The following DSC2 variants were observed in gnomAD, a reference collection of about 807,000 sequenced individuals.
The protein encoded by DSC2 is desmocollin-2.
In DSC2, 51 loss-of-function variants were observed where a neutral mutation model predicts 87.6. The ratio of observed to expected loss-of-function variants is 0.58; its 90% CI spans 0.46 to 0.74. DSC2 has a LOEUF of 0.74. Among genes scored for constraint, DSC2 ranks in the 30% least tolerant of loss-of-function variants. The pLI is 0.00. For missense variants in DSC2, 1,066 were observed against 1,089.5 expected, an observed-to-expected ratio of 0.98 and a Z score of 0.30; for synonymous variants, 383 against 393.2, an observed-to-expected ratio of 0.97 and a Z score of 0.31.
chr18:31,082,041 T>TA (rs573964762), intron 9 of DSC2, among the ~76,000 whole-genome samples, 197 bp downstream of exon 9: 46 of 147,944 alleles, frequency 3.1e-4, no homozygotes, highest in East Asian at 9.8e-4. Context: ...ATGGACTTTT[T>TA]AAAAAAAAAA....
In DSC2 at chr18:31,082,088, C is replaced by A. The variant is rs1463956274; in HGVS notation, c.1263+150G>T. The A allele has an allele frequency of 1.0e-5, 7 of 701,876 alleles. No individual in the cohort carries two copies. The East Asian group carries it at 2.0e-4, about 20-fold the overall frequency. The allele number at this position is 701,876 out of a possible 1,614,324, so 43.5% of individuals were successfully genotyped here. A position where few individuals can be genotyped will look rare whatever the true frequency, so the allele number is the denominator to read the frequency against. Reference sequence around the variant, plus strand: ...AAAGATTATCAAAAACTAATATATTCTTTCCATTGTATATGAAGAACAGAG... The same window carrying A: ...AAAGATTATCAAAAACTAATATATTATTTCCATTGTATATGAAGAACAGAG... On this transcript the variant is annotated intron_variant, in intron 9 of 15. Transcript: ENST00000280904.
rs1011544608 is a variant in DSC2 at position 31,067,019 on chromosome 18, T to C, written c.*996A>G. On this transcript the variant is annotated 3_prime_UTR_variant, in exon 16 of 16. Coordinates refer to ENST00000280904, the MANE Select transcript of DSC2 (RefSeq NM_024422.6). ...CAGAGCACTGCTTCTAATAAAAGCA[T>C]GGCATAGTTCTACAGTTTCAATGGC... 3 of 152,124 alleles carry C rather than the reference T, an allele frequency of 2.0e-5. No individual in the cohort carries two copies. Among genetic ancestry groups the C allele is most frequent in the Non-Finnish European group, 1.5e-5 (1 of 67,988 alleles). 9.4% of individuals were successfully genotyped at this position (152,124 alleles called of 1,614,324 possible).
At chr18:31,101,152 T>A (rs1987932858) in intron 1 of DSC2, 3 of 981,760 alleles carry the variant, frequency 3.1e-6, no homozygotes, top group Non-Finnish European at 3.6e-6. Context: ...AGACCCTTCC[T>A]TCCTCCGAAG....
At chr18:31,098,906 G>T (rs73952598) in intron 1 of DSC2, among the ~76,000 whole-genome samples, 1,690 of 152,280 alleles carry the variant, frequency 0.011, 25 homozygotes, top group African/African-American at 0.039. Context: ...AGACCCCTGA[G>T]CTGTCTTTGA....
At chr18:31,098,462 C>A (rs918577428) in intron 1 of DSC2, among the ~76,000 whole-genome samples, 1 of 149,406 alleles carries the variant, frequency 6.7e-6, no homozygotes, top group Non-Finnish European at 1.5e-5. Context: ...AAATTAGACA[C>A]TTTTTTTTTT....
rs745503649 is a variant in DSC2, at chr18:31,074,764, T to C, written c.1807A>G (p.Ile603Val). ...EIVAVDPDEP[I>V]HGPPFDFSLE... ...CTAAAGTCAAAGGGTGGGCCATGGA[T>C]AGGCTCATCAGGATCAACCGCAACA... Residue 603 changes from isoleucine (I) to valine (V), a missense_variant, in exon 12 of 16, where the codon ATC becomes GTC. Transcript: ENST00000280904. 1.2e-6 allele frequency: 2 copies of C among 1,614,046 alleles called. No individual in the cohort carries two copies. The highest frequency in any genetic ancestry group is 1.7e-6 in the Non-Finnish European group (2 of 1,179,992).
Position 31,063,118 on chromosome 18 carries a change from G to A in DSC2, c.*4897C>T, listed in dbSNP as rs1986533033. On this transcript the variant is annotated 3_prime_UTR_variant, in exon 16 of 16. Transcript: ENST00000280904. ...GCCAAGTGCTGACAGATCACTTGAGGTCAGGAGTTCAAGACCAGCCTGGCC... is the reference window on the plus strand; with the variant it reads ...GCCAAGTGCTGACAGATCACTTGAGATCAGGAGTTCAAGACCAGCCTGGCC... 6.6e-6 allele frequency: 1 copy of A among 152,048 alleles called. No homozygotes were observed. The highest frequency in any genetic ancestry group is 2.1e-4 in the South Asian group (1 of 4,830). The allele number at this position is 152,048 out of a possible 1,614,324, so 9.4% of individuals were successfully genotyped here.
chr18:31,084,586 T>G (rs964110079), intron 7 of DSC2, among the ~76,000 whole-genome samples: 9 of 151,776 alleles, frequency 5.9e-5, no homozygotes, highest in Non-Finnish European at 4.4e-5. Flanking sequence ...TTCAACTGAT[T>G]ATTTCAGAAG....
Position 31,082,307 on chromosome 18 carries a change from G to A in DSC2, c.1194C>T (p.Gly398=). 6.2e-7 allele frequency: 1 copy of A among 1,613,678 alleles called. No individual in the cohort carries two copies. The highest frequency in any genetic ancestry group is 2.2e-5 in the East Asian group (1 of 44,832). ...NWRANYTILK[G]NENGNFKIVT... ...CAATTTTAAAATTGCCATTTTCATT[G>A]CCCTTTAAAATGGTATAATTAGCTC... is the stretch of plus-strand genomic sequence containing the variant. The change falls in exon 9 of 16, where the codon GGC becomes GGT. Residue 398 remains glycine (G), a synonymous_variant. Transcript: ENST00000280904.
intron 5 of DSC2, among the ~76,000 whole-genome samples, chr18:31,088,973 G>A (rs1043130491): frequency 2.0e-5 from 3 of 151,928 alleles, no homozygotes; most frequent in African/African-American, 7.3e-5. Context: ...AGACCAGCCT[G>A]GCCAACATGG....
intron 1 of DSC2, among the ~76,000 whole-genome samples, chr18:31,097,313 T>C (rs985621647): frequency 6.6e-6 from 1 of 150,838 alleles, no homozygotes; most frequent in African/African-American, 2.5e-5. Context: ...GAAATCATTT[T>C]CAAAAGCAAT....
At chr18:31,101,346 C>A (rs1252929645) in intron 1 of DSC2, 1 of 865,772 alleles carries the variant, frequency 1.2e-6, no homozygotes, top group Admixed American at 6.3e-5. Context: ...CCCTTTTTCA[C>A]CCAAGGACAC....
At chr18:31,088,678 T>G (rs1440061865) in intron 5 of DSC2, among the ~76,000 whole-genome samples, 1 of 152,116 alleles carries the variant, frequency 6.6e-6, no homozygotes, top group African/African-American at 2.4e-5. Flanking sequence ...CTTTCCAGCA[T>G]AGGAAATTAA....
In DSC2 at chr18:31,070,712, G is replaced by A. The variant is rs774561385; in HGVS notation, c.2250+14C>T. 3 of 1,613,436 alleles carry A rather than the reference G, an allele frequency of 1.9e-6. No individual in the cohort carries two copies. Among genetic ancestry groups the A allele is most frequent in the Non-Finnish European group, 2.5e-6 (3 of 1,179,554 alleles). ...TTCATCCTTTGTATTTATTTAAAAA[G>A]CCAGACTACTTACCACTTTGTCATC... On this transcript the variant is annotated intron_variant, in intron 14 of 15. Transcript: ENST00000280904.
intron 11 of DSC2, among the ~76,000 whole-genome samples, 161 bp from the exon 12 acceptor site, chr18:31,075,068 T>G (rs561062993): frequency 6.6e-6 from 1 of 152,010 alleles, no homozygotes; most frequent in African/African-American, 2.4e-5. Context: ...ACAAGAAAAA[T>G]AGTATTACTT....
rs955325917 is a variant in DSC2, at chr18:31,076,454, A to G, written c.1664-1547T>C. 4.6e-5 allele frequency among the ~76,000 whole-genome samples: 7 copies of G among 152,338 alleles called. No homozygotes were observed. In the East Asian group the frequency reaches 1.2e-3, roughly 25 times the overall value. On this transcript the variant is annotated intron_variant, in intron 11 of 15. Transcript: ENST00000280904. ...AAATTCCCAAATAATCAAGATTAAC[A>G]CTAAGAAGGAAAACCAACAAAAGCA...
rs543480937 is a variant in DSC2, at chr18:31,101,815, A to AC, written c.69+87dup. 491 of 405,792 alleles carry AC rather than the reference A, an allele frequency of 1.2e-3. No individual in the cohort carries two copies. The African/African-American group carries it at 0.024, about 20-fold the overall frequency. 25.1% of individuals were successfully genotyped at this position (405,792 alleles called of 1,614,324 possible). On this transcript the variant is annotated intron_variant, in intron 1 of 15. Transcript: ENST00000280904. Reference sequence around the variant, plus strand: ...CCCCTTCACCCCAGCTTTTCCCGCCACCCCCACCTATCCCCGTTCCCCTAG... The same window carrying AC: ...CCCCTTCACCCCAGCTTTTCCCGCCACCCCCCACCTATCCCCGTTCCCCTAG...
At chr18:31,099,985 T>C (rs1470673982) in intron 1 of DSC2, among the ~76,000 whole-genome samples, 1 of 152,174 alleles carries the variant, frequency 6.6e-6, no homozygotes, top group Non-Finnish European at 1.5e-5. Flanking sequence ...CCTCCCACCT[T>C]AGCCTCTCTC....
chr18:31,064,524 T>G lies in DSC2; in HGVS notation c.*3491A>C, dbSNP rs1243469985. 6.6e-6 allele frequency: 1 copy of G among 152,106 alleles called. No individual in the cohort carries two copies. Among genetic ancestry groups the G allele is most frequent in the African/African-American group, 2.4e-5 (1 of 41,426 alleles). The allele number at this position is 152,106 out of a possible 1,614,324, so 9.4% of individuals were successfully genotyped here. A position where few individuals can be genotyped will look rare whatever the true frequency, so the allele number is the denominator to read the frequency against. On this transcript the variant is annotated 3_prime_UTR_variant, in exon 16 of 16. Coordinates refer to ENST00000280904, the MANE Select transcript of DSC2 (RefSeq NM_024422.6). ...GGAAAGAAGAGAGAGGAATCAAGGA[T>G]TCTCTGTTTCAAGCCTAAGTAAGTG... is the stretch of plus-strand genomic sequence containing the variant.
Sources: gnomAD v4.1 joint callset for allele counts (sites outside exome capture counted in the v4.1 genomes callset) on GRCh38, gnomAD v4.1.1 for gene constraint, MANE v1.5 for transcripts, NCBI Gene and HGNC (gene_info 2026-07-23, HGNC 2026-07-21) for gene names.